The following ATRNL1 variants were observed in gnomAD, a reference collection of about 807,000 sequenced individuals.
ATRNL1 encodes attractin-like protein 1.
In ATRNL1, 95 loss-of-function variants were observed where a neutral mutation model predicts 182.7. That is an observed-to-expected ratio of 0.52 (90% CI 0.44 to 0.62). The LOEUF is 0.62. Among genes scored for constraint, ATRNL1 ranks in the 20% least tolerant of loss-of-function variants. ATRNL1 has a pLI of 0.00. For synonymous variants in ATRNL1, 576 were observed against 568.3 expected, an observed-to-expected ratio of 1.01 and a Z score of -0.19; for missense variants, 1,471 against 1,679.5, an observed-to-expected ratio of 0.88 and a Z score of 2.17.
intron 26 of ATRNL1, among the ~76,000 whole-genome samples, chr10:115,579,670 C>T (rs1050022939): frequency 1.3e-5 from 2 of 151,876 alleles, no homozygotes; most frequent in African/African-American, 2.4e-5. Context: ...TTTTAAAATT[C>T]ATTTAGCCAG....
At chr10:115,139,137 A>G (rs1208873593) in intron 5 of ATRNL1, among the ~76,000 whole-genome samples, 1 of 152,132 alleles carries the variant, frequency 6.6e-6, no homozygotes, top group African/African-American at 2.4e-5. Context: ...CTCAGCCTGG[A>G]TTTCATTGTC....
In ATRNL1 at chr10:115,915,267, G is replaced by A. The variant is rs560089568; in HGVS notation, c.4019-29391G>A. On this transcript the variant is annotated intron_variant, in intron 28 of 28. Coordinates refer to ENST00000355044, the MANE Select transcript of ATRNL1 (RefSeq NM_207303.4). ...AAAAAAATTAGCCAGGCGTGGTGGC[G>A]GGCGCCTGTAGTCCCAGCTACTCGG... Among the ~76,000 whole-genome samples the A allele has an allele frequency of 1.2e-4, 19 of 152,146 alleles. No homozygotes were observed. The East Asian group carries it at 2.7e-3, about 22-fold the overall frequency.
At chr10:115,561,718 T>G (rs1235247214) in intron 26 of ATRNL1, among the ~76,000 whole-genome samples, 1 of 149,336 alleles carries the variant, frequency 6.7e-6, no homozygotes, top group African/African-American at 2.5e-5. Context: ...TGTGTGTGTG[T>G]GTGTGTTTGT....
chr10:115,464,600 A>G (rs1280902272), intron 22 of ATRNL1, among the ~76,000 whole-genome samples: 35 of 151,968 alleles, frequency 2.3e-4, no homozygotes, highest in Admixed American at 2.3e-3. Flanking sequence ...CTTGGAATTG[A>G]TAGAGAATGA....
intron 12 of ATRNL1, 134 bp downstream of exon 12, chr10:115,267,139 T>C (rs1851641499): frequency 8.3e-6 from 5 of 602,740 alleles, no homozygotes; most frequent in Admixed American, 3.1e-5. Flanking sequence ...TTAGGAATTC[T>C]AATGTTTGAA....
At chr10:115,389,894 A>T (rs1436925620) in intron 19 of ATRNL1, among the ~76,000 whole-genome samples, 2 of 151,856 alleles carry the variant, frequency 1.3e-5, no homozygotes, top group African/African-American at 4.8e-5. Context: ...CCACTTAAAC[A>T]CGTGTGAGGT....
chr10:115,740,047 A>C (rs1393409096), intron 27 of ATRNL1, among the ~76,000 whole-genome samples: 1 of 152,166 alleles, frequency 6.6e-6, no homozygotes, highest in East Asian at 1.9e-4. Flanking sequence ...GAAATACCAG[A>C]TATTCAAAAT....
rs781959120 is a variant in ATRNL1, at chr10:115,127,618, G to C, written c.517G>C (p.Gly173Arg). 1 of 1,608,996 alleles carries C rather than the reference G, an allele frequency of 6.2e-7. No homozygotes were observed. Among genetic ancestry groups the C allele is most frequent in the Non-Finnish European group, 8.5e-7 (1 of 1,177,666 alleles). The change falls in exon 4 of 29, where the codon GGC (glycine) becomes CGC (arginine). Residue 173 changes from glycine (G) to arginine (R), a missense_variant. Transcript: ENST00000355044. ...LSGLIVPEIR[G>R]NETVPEVVTT... The stretch of plus-strand genomic sequence containing the variant: ...TGGTTTGATAGTCCCTGAAATAAGG[G>C]GCAATGAAACTGTGCCTGAAGTTGT...
chr10:115,103,107 G>A (rs1182313932), intron 1 of ATRNL1, among the ~76,000 whole-genome samples: 1 of 147,726 alleles, frequency 6.8e-6, no homozygotes, highest in Non-Finnish European at 1.5e-5. Context: ...GCATGATCTC[G>A]GCTCAATGCA....
At chr10:115,497,080 T>C (rs566656193) in intron 24 of ATRNL1, among the ~76,000 whole-genome samples, 1 of 152,298 alleles carries the variant, frequency 6.6e-6, no homozygotes, top group South Asian at 2.1e-4. Context: ...AAAAACATTT[T>C]TTTTCTGATT....
intron 24 of ATRNL1, among the ~76,000 whole-genome samples, chr10:115,472,353 A>T (rs537827808): frequency 1.3e-5 from 2 of 151,092 alleles, no homozygotes; most frequent in South Asian, 2.1e-4. Context: ...TTTTGAATTT[A>T]AAAATTTTTT....
intron 24 of ATRNL1, among the ~76,000 whole-genome samples, chr10:115,500,825 A>G (rs113447883): frequency 0.027 from 4,048 of 150,040 alleles, 217 homozygotes; most frequent in African/African-American, 0.095. Flanking sequence ...ACAGGTGTGA[A>G]CCACCACGCC....
intron 9 of ATRNL1, among the ~76,000 whole-genome samples, chr10:115,216,804 T>C (rs1423942272): frequency 6.6e-6 from 1 of 151,998 alleles, no homozygotes; most frequent in Non-Finnish European, 1.5e-5. Context: ...CTCTTCACTT[T>C]CATACATATA....
At chr10:115,223,651 A>G (rs530200824) in intron 9 of ATRNL1, among the ~76,000 whole-genome samples, 84 of 151,960 alleles carry the variant, frequency 5.5e-4, no homozygotes, top group African/African-American at 1.8e-3. Flanking sequence ...TGAGAGCATA[A>G]TACCTTATAA....
At position 115,917,976 on chromosome 10, in the gene ATRNL1, G is replaced by A. The variant is rs548360878; in HGVS notation, c.4019-26682G>A. On this transcript the variant is annotated intron_variant, in intron 28 of 28. Transcript: ENST00000355044. ...TTAAAATAGTAAATAAGAGGTCCCA[G>A]AAATAAGATTTGTATCATGTTTAAA... 2.0e-5 allele frequency among the ~76,000 whole-genome samples: 3 copies of A among 151,848 alleles called. No homozygotes were observed. In the South Asian group the frequency reaches 6.2e-4, roughly 32 times the overall value.
chr10:115,207,673 T>C (rs1308027560), intron 8 of ATRNL1, among the ~76,000 whole-genome samples: 1 of 152,050 alleles, frequency 6.6e-6, no homozygotes, highest in African/African-American at 2.4e-5. Flanking sequence ...GTTCCTCCCC[T>C]TGCCCCCCCA....
Position 115,948,162 on chromosome 10 carries a change from G to T in ATRNL1, c.*3383G>T, listed in dbSNP as rs1008221330. 1 of 152,166 alleles carries T rather than the reference G, an allele frequency of 6.6e-6. No individual in the cohort carries two copies. Among genetic ancestry groups the T allele is most frequent in the African/African-American group, 2.4e-5 (1 of 41,440 alleles). The allele number at this position is 152,166 out of a possible 1,614,324, so 9.4% of individuals were successfully genotyped here. On this transcript the variant is annotated 3_prime_UTR_variant, in exon 29 of 29. Coordinates refer to ENST00000355044, the MANE Select transcript of ATRNL1 (RefSeq NM_207303.4). ...ACGACTTTGACATTTAGTCAATAAA[G>T]ACTTAAACTCTTCTTAAATCTATAG...
At chr10:115,887,460 T>C (rs1254617523) in intron 28 of ATRNL1, among the ~76,000 whole-genome samples, 2 of 152,138 alleles carry the variant, frequency 1.3e-5, no homozygotes, top group Non-Finnish European at 2.9e-5. Context: ...CAACACACAG[T>C]AGAAGGTGCA....
In ATRNL1 at chr10:115,259,300, G is replaced by A. The variant is rs982524353; in HGVS notation, c.1688-5893G>A. On this transcript the variant is annotated intron_variant, in intron 10 of 28. Coordinates refer to ENST00000355044, the MANE Select transcript of ATRNL1 (RefSeq NM_207303.4). ...CCAGTTTAAGCTTCCTGGCCGCTTT[G>A]TTTACCTAGTCAAGCCTCAGCAATG... 1.5e-4 allele frequency among the ~76,000 whole-genome samples: 23 copies of A among 152,300 alleles called. 1 individual carries two copies. Among genetic ancestry groups the A allele is most frequent in the Admixed American group, 1.0e-3 (16 of 15,292 alleles).
Sources: allele counts gnomAD v4.1 joint callset (sites outside exome capture counted in the v4.1 genomes callset), GRCh38; gene constraint gnomAD v4.1.1; transcripts MANE v1.5; gene names NCBI Gene and HGNC (gene_info 2026-07-23, HGNC 2026-07-21).